The following CCNY variants were observed in gnomAD, a reference collection of about 807,000 sequenced individuals.
CCNY encodes cyclin-Y.
CCNY carries 19 observed loss-of-function variants against 42.8 expected under a neutral mutation model. The observed-to-expected ratio is 0.44, with a 90% CI of 0.31 to 0.65. CCNY has a LOEUF of 0.65. Among genes scored for constraint, CCNY ranks in the 30% least tolerant of loss-of-function variants. CCNY has a pLI of 0.07. For missense variants in CCNY, 370 were observed against 437.3 expected (o/e 0.85, Z 1.37); for synonymous variants, 165 against 162.7 (o/e 1.01, Z -0.11).
chr10:35,514,531 G>A (rs1016498637), intron 3 of CCNY, among the ~76,000 whole-genome samples: 2 of 152,136 alleles, frequency 1.3e-5, no homozygotes, highest in South Asian at 2.1e-4. Flanking sequence ...AACTCACAAA[G>A]GTTACTTCCT....
chr10:35,507,820 T>C (rs1323791669), intron 3 of CCNY, among the ~76,000 whole-genome samples: 1 of 151,568 alleles, frequency 6.6e-6, no homozygotes, highest in African/African-American at 2.4e-5. Context: ...AATAATAATG[T>C]AATGTTTCTC....
chr10:35,451,230 C>T (rs1478157222), intron 1 of CCNY, among the ~76,000 whole-genome samples: 1 of 152,148 alleles, frequency 6.6e-6, no homozygotes, highest in Non-Finnish European at 1.5e-5. Context: ...ACTTCTTCCC[C>T]CTTTTTTACA....
chr10:35,410,938 T>C (rs951610931), intron 1 of CCNY, among the ~76,000 whole-genome samples: 2 of 152,246 alleles, frequency 1.3e-5, no homozygotes, highest in Non-Finnish European at 2.9e-5. Context: ...TTGTAACTTT[T>C]GGAGAATATT....
chr10:35,568,983 C>A, intron 9 of CCNY, 71 bp from the exon 10 acceptor site: 1 of 1,004,376 alleles, frequency 1.0e-6, no homozygotes, highest in Non-Finnish European at 1.6e-6. Context: ...GCGCCCTCGG[C>A]GCCCAGGACG....
intron 1 of CCNY, among the ~76,000 whole-genome samples, chr10:35,416,440 TAATAA>T (rs1439047240): frequency 1.3e-5 from 2 of 152,012 alleles, no homozygotes. Flanking sequence ...CTTCTAAAAA[TAATAA>T]AATAAAATGG....
chr10:35,419,990 C>A (rs1366906277), intron 1 of CCNY, among the ~76,000 whole-genome samples: 1 of 128,314 alleles, frequency 7.8e-6, no homozygotes, highest in Non-Finnish European at 1.7e-5. Context: ...CAGATGGTTT[C>A]TTTCTTATCT....
At chr10:35,353,038 G>C (rs528890909) in intron 1 of CCNY, among the ~76,000 whole-genome samples, 11 of 152,282 alleles carry the variant, frequency 7.2e-5, no homozygotes, top group Admixed American at 5.2e-4. Context: ...CAGTCCTTCT[G>C]CTTTAGCCTC....
At chr10:35,380,174 G>A (rs1837148917) in intron 1 of CCNY, among the ~76,000 whole-genome samples, 1 of 152,190 alleles carries the variant, frequency 6.6e-6, no homozygotes, top group Non-Finnish European at 1.5e-5. Context: ...TTAGATCCTC[G>A]AGGGCTTGGA....
intron 1 of CCNY, among the ~76,000 whole-genome samples, chr10:35,399,849 G>T (rs960099248): frequency 1.3e-5 from 2 of 152,120 alleles, no homozygotes; most frequent in African/African-American, 4.8e-5. Flanking sequence ...AGCAAACCCT[G>T]AGAAGACTTC....
chr10:35,549,535 C>G (rs1841200096), intron 7 of CCNY, among the ~76,000 whole-genome samples: 1 of 148,810 alleles, frequency 6.7e-6, no homozygotes. Context: ...GCTCATGGCC[C>G]ATGACCCTAC....
intron 3 of CCNY, chr10:35,316,475 CACA>C (rs1303726014): frequency 1.3e-5 from 2 of 152,178 alleles, no homozygotes; most frequent in South Asian, 2.1e-4. Flanking sequence ...TAAAGTTTTT[CACA>C]ACAAGTGTTG....
intron 1 of CCNY, among the ~76,000 whole-genome samples, chr10:35,482,802 T>TGTG (rs879381242): frequency 7.1e-4 from 73 of 102,736 alleles, no homozygotes; most frequent in Non-Finnish European, 4.5e-4. Flanking sequence ...GTGTGTGTGT[T>TGTG]ATGTGTTTGA....
chr10:35,426,783 C>G (rs535878482), intron 1 of CCNY, among the ~76,000 whole-genome samples: 14 of 152,212 alleles, frequency 9.2e-5, no homozygotes, highest in Admixed American at 9.2e-4. Flanking sequence ...CCCACTGTTG[C>G]AGTATTCTGA....
At chr10:35,419,826 A>G (rs1272885696) in intron 1 of CCNY, among the ~76,000 whole-genome samples, 1 of 152,080 alleles carries the variant, frequency 6.6e-6, no homozygotes, top group African/African-American at 2.4e-5. Flanking sequence ...TAGGTCATTC[A>G]TACAGCATTG....
intron 3 of CCNY, among the ~76,000 whole-genome samples, chr10:35,310,792 T>A (rs1489298428): frequency 2.6e-5 from 4 of 152,224 alleles, no homozygotes; most frequent in Admixed American, 2.6e-4. Flanking sequence ...TACACACTAC[T>A]ATGATTAGCT....
At chr10:35,470,063 G>A (rs1365857679) in intron 1 of CCNY, among the ~76,000 whole-genome samples, 2 of 148,208 alleles carry the variant, frequency 1.3e-5, no homozygotes, top group African/African-American at 5.0e-5. Context: ...TGGAGAGACA[G>A]ATGAGATAGG....
rs183240107 is a variant in CCNY at position 35,275,956 on chromosome 10, T to A, written c.-9+25330T>A. Reference sequence around the variant, plus strand: ...TGTCAATCCAGACTCTATCCAATAATCCTCAAAAAGTTTAGGTATTCCCCT... The same window carrying A: ...TGTCAATCCAGACTCTATCCAATAAACCTCAAAAAGTTTAGGTATTCCCCT... On this transcript the variant is annotated intron_variant, in intron 3 of 11. Transcript: ENST00000374706. Among the ~76,000 whole-genome samples the A allele has an allele frequency of 2.0e-5, 3 of 152,300 alleles. No homozygotes were observed. The East Asian group carries it at 5.8e-4, about 29-fold the overall frequency.
chr10:35,288,458 T>C (rs1835378625), intron 3 of CCNY, among the ~76,000 whole-genome samples: 1 of 152,186 alleles, frequency 6.6e-6, no homozygotes, highest in Admixed American at 6.6e-5. Context: ...CTACAGTCTG[T>C]GGCTTGCTAT....
At chr10:35,385,041 G>A (rs2474531) in intron 1 of CCNY, among the ~76,000 whole-genome samples, 10,852 of 152,096 alleles carry the variant, frequency 0.071, 642 homozygotes, top group African/African-American at 0.16. Context: ...TACAGCCTTC[G>A]TTCCTACCAT....
Sources: gnomAD v4.1 joint callset for allele counts (sites outside exome capture counted in the v4.1 genomes callset) on GRCh38, gnomAD v4.1.1 for gene constraint, MANE v1.5 for transcripts, NCBI Gene and HGNC (gene_info 2026-07-23, HGNC 2026-07-21) for gene names.